Variants in TRAPPC10 observed in about 807,000 individuals in gnomAD.
TRAPPC10 encodes trafficking protein particle complex subunit 10.
TRAPPC10 carries 23 observed loss-of-function variants against 125.5 expected under a neutral mutation model. That is an observed-to-expected ratio of 0.18 (90% CI 0.13 to 0.26). The LOEUF (loss-of-function observed/expected upper bound fraction) is 0.26. Ranked by LOEUF, TRAPPC10 falls within the 10% of genes least tolerant of loss-of-function variation. The pLI is 1.00. For synonymous variants in TRAPPC10, 509 were observed against 518.0 expected, an observed-to-expected ratio of 0.98 and a Z score of 0.24; for missense variants, 1,123 against 1,308.4, an observed-to-expected ratio of 0.86 and a Z score of 2.19.
intron 1 of TRAPPC10, among the ~76,000 whole-genome samples, chr21:44,029,946 G>C (rs2033425984): frequency 6.6e-6 from 1 of 152,230 alleles, no homozygotes; most frequent in South Asian, 2.1e-4. Context: ...AGGTCAGATG[G>C]TCCCAGGTCA....
At chr21:44,091,642 G>A (rs916403538) in intron 18 of TRAPPC10, 1 of 275,348 alleles carries the variant, frequency 3.6e-6, no homozygotes, top group Non-Finnish European at 7.1e-6. Flanking sequence ...GTTTCACCAT[G>A]TTGGCCAGGA....
chr21:44,056,722 G>T (rs9983551), intron 5 of TRAPPC10, among the ~76,000 whole-genome samples: 13,711 of 152,200 alleles, frequency 0.09, 1,455 homozygotes, highest in African/African-American at 0.25. Flanking sequence ...CTGACAGACT[G>T]CAGGGGCTGA....
chr21:44,081,167 C>T (rs915805476), intron 13 of TRAPPC10, among the ~76,000 whole-genome samples: 1 of 151,194 alleles, frequency 6.6e-6, no homozygotes, highest in Non-Finnish European at 1.5e-5. Flanking sequence ...AGGTGTGGGC[C>T]ACCACACCCA....
intron 5 of TRAPPC10, among the ~76,000 whole-genome samples, chr21:44,057,692 A>G (rs142317251): frequency 6.6e-4 from 101 of 152,374 alleles, no homozygotes; most frequent in African/African-American, 2.4e-3. Flanking sequence ...AGTCTTGTAA[A>G]TACTTCACAA....
intron 5 of TRAPPC10, among the ~76,000 whole-genome samples, chr21:44,058,850 G>T (rs1425323783): frequency 1.3e-5 from 2 of 152,186 alleles, no homozygotes; most frequent in Non-Finnish European, 2.9e-5. Context: ...CCCAAGGACA[G>T]GGGGGTGACC....
rs1254702090 is a variant in TRAPPC10 at position 44,063,003 on chromosome 21, C to A, written c.791-535C>A. 7.7e-7 allele frequency: 1 copy of A among 1,303,868 alleles called. No individual in the cohort carries two copies. The allele number at this position is 1,303,868 out of a possible 1,614,324, so 80.8% of individuals were successfully genotyped here. A position where few individuals can be genotyped will look rare whatever the true frequency, so the allele number is the denominator to read the frequency against. On this transcript the variant is annotated intron_variant, in intron 6 of 22. Transcript: ENST00000291574. The surrounding 1 kb of genome is among the most constrained non-coding windows in gnomAD (Gnocchi z 4.4). ...CTGAAATTTTCGACAAGCAGTAATTCTTTTTCCTTCTATGTGCTGCTACCA... is the reference window on the plus strand; with the variant it reads ...CTGAAATTTTCGACAAGCAGTAATTATTTTTCCTTCTATGTGCTGCTACCA...
In TRAPPC10 at chr21:44,037,829, T is replaced by C; in HGVS notation, c.187T>C (p.Ser63Pro). The part of the protein sequence containing the change: ...GRAPKMIHLE[S>P]NFVQFKEELL... Reference sequence around the variant, plus strand: ...GGCTCCGAAGATGATTCACCTAGAGTCTAACTTTGTTCAATTCAAAGAGGA... The same window carrying C: ...GGCTCCGAAGATGATTCACCTAGAGCCTAACTTTGTTCAATTCAAAGAGGA... The change falls in exon 3 of 23, where the codon TCT (serine) becomes CCT (proline). Residue 63 changes from serine to proline, a missense_variant. Physicochemically the swap from Ser to Pro is moderately conservative, Grantham distance 74. Coordinates refer to ENST00000291574, the MANE Select transcript of TRAPPC10 (RefSeq NM_003274.5). The C allele has an allele frequency of 6.2e-7, 1 of 1,614,106 alleles. No individual in the cohort carries two copies. Among genetic ancestry groups the C allele is most frequent in the Non-Finnish European group, 8.5e-7 (1 of 1,180,020 alleles).
At chr21:44,052,816 C>T (rs1359953794) in intron 4 of TRAPPC10, among the ~76,000 whole-genome samples, 6 of 151,654 alleles carry the variant, frequency 4.0e-5, no homozygotes, top group African/African-American at 7.3e-5. Flanking sequence ...TTTGAAATGA[C>T]GGCACCTGTG....
chr21:44,063,158 C>G lies in TRAPPC10; in HGVS notation c.791-380C>G. The G allele has an allele frequency of 7.7e-7, 1 of 1,303,442 alleles. No homozygotes were observed. Among genetic ancestry groups the G allele is most frequent in the Non-Finnish European group, 1.0e-6 (1 of 992,272 alleles). 80.7% of individuals were successfully genotyped at this position (1,303,442 alleles called of 1,614,324 possible). On this transcript the variant is annotated intron_variant, in intron 6 of 22. Coordinates refer to ENST00000291574, the MANE Select transcript of TRAPPC10 (RefSeq NM_003274.5). The surrounding 1 kb of genome is among the most constrained non-coding windows in gnomAD (Gnocchi z 4.4). ...CAGGATGGTCAGAGCAGGCTGCACT[C>G]CAGCCCACAGGTAAAGATAAGGAAG...
chr21:44,024,539 G>T (rs1429485454), intron 1 of TRAPPC10, among the ~76,000 whole-genome samples: 3 of 152,192 alleles, frequency 2.0e-5, no homozygotes, highest in African/African-American at 7.2e-5. Flanking sequence ...CACAGGTCTA[G>T]AACTGTTTTT....
intron 15 of TRAPPC10, 34 bp downstream of exon 15, chr21:44,084,297 C>T (rs777334345): frequency 1.2e-6 from 2 of 1,605,398 alleles, no homozygotes; most frequent in South Asian, 1.1e-5. Flanking sequence ...AGGAGGCGTG[C>T]TGCTGGGGCA....
At position 44,063,699 on chromosome 21, in the gene TRAPPC10, C is replaced by T; in HGVS notation, c.952C>T (p.Leu318=). The T allele has an allele frequency of 6.2e-7, 1 of 1,614,186 alleles. No homozygotes were observed. Among genetic ancestry groups the T allele is most frequent in the Middle Eastern group, 1.6e-4 (1 of 6,062 alleles). Residue 318 remains leucine, a synonymous_variant, in exon 7 of 23, where the codon CTG becomes TTG. Transcript: ENST00000291574. The surrounding 1 kb of genome is among the most constrained non-coding windows in gnomAD (Gnocchi z 4.4). ...CCTGTTCTCTCGCCAGTGCACCTTGCTGCTCTTCCTGCAGAGGCCGTGGGA... is the reference window on the plus strand; with the variant it reads ...CCTGTTCTCTCGCCAGTGCACCTTGTTGCTCTTCCTGCAGAGGCCGTGGGA... ...SYLFSRQCTL[L]LFLQRPWEVA... is the part of the protein sequence containing the mutation.
chr21:44,079,879 T>C, intron 12 of TRAPPC10, 136 bp from the exon 13 acceptor site: 1 of 1,078,064 alleles, frequency 9.3e-7, no homozygotes, highest in Non-Finnish European at 1.3e-6. Context: ...TAATCTAATT[T>C]TGAGCCCTAG....
chr21:44,082,848 C>G lies in TRAPPC10; in HGVS notation c.1784C>G (p.Pro595Arg), dbSNP rs376821457. The change falls in exon 14 of 23, where the codon CCC (proline) becomes CGC (arginine). Residue 595 changes from proline (P) to arginine (R), a missense_variant. This residue lies in a region of TRAPPC10 where 840 missense variants were observed against 902.0 expected (regional missense o/e 0.93). Coordinates refer to ENST00000291574, the MANE Select transcript of TRAPPC10 (RefSeq NM_003274.5). The surrounding 1 kb of genome is among the most constrained non-coding windows in gnomAD (Gnocchi z 4.4). Reference sequence around the variant, plus strand: ...CAACTGCGAGATCTCCATTTTGATCCCTCCAATGCCGTGGTCCACGTGGGC... The same window carrying G: ...CAACTGCGAGATCTCCATTTTGATCGCTCCAATGCCGTGGTCCACGTGGGC... Reference protein sequence around the residue: ...FAQLRDLHFDPSNAVVHVGGV... With the variant: ...FAQLRDLHFDRSNAVVHVGGV... The G allele has an allele frequency of 8.7e-6, 14 of 1,613,942 alleles. No homozygotes were observed. Among genetic ancestry groups the G allele is most frequent in the Non-Finnish European group, 1.0e-5 (12 of 1,180,026 alleles).
Position 44,074,859 on chromosome 21 carries a change from T to TC in TRAPPC10, c.1186-178dup, listed in dbSNP as rs555833201. 3.7e-4 allele frequency among the ~76,000 whole-genome samples: 57 copies of TC among 152,340 alleles called. No individual in the cohort carries two copies. The South Asian group carries it at 4.1e-3, about 11-fold the overall frequency. On this transcript the variant is annotated intron_variant, in intron 8 of 22. Transcript: ENST00000291574. ...GGACAGAAGCGGAGGATTCCCACCC[T>TC]CCAAGCCTCACTGGGAGCTGTTGTG...
chr21:44,014,575 TTTTG>T (rs2031586618), intron 1 of TRAPPC10, among the ~76,000 whole-genome samples: 1 of 146,682 alleles, frequency 6.8e-6, no homozygotes, highest in Non-Finnish European at 1.5e-5. Context: ...CCGGCTAATT[TTTTG>T]TTTGTTTGTT....
chr21:44,035,526 A>G (rs2033925939), intron 2 of TRAPPC10, among the ~76,000 whole-genome samples: 1 of 152,172 alleles, frequency 6.6e-6, no homozygotes, highest in South Asian at 2.1e-4. Flanking sequence ...ACAGTGGCTC[A>G]CACTTGTAAT....
At chr21:44,064,231 T>A (rs1832676347) in intron 7 of TRAPPC10, among the ~76,000 whole-genome samples, 1 of 152,198 alleles carries the variant, frequency 6.6e-6, no homozygotes, top group Non-Finnish European at 1.5e-5. Flanking sequence ...CAGGTAGCAA[T>A]GTGAGTGACA....
At chr21:44,072,610 C>T in intron 7 of TRAPPC10, among the ~76,000 whole-genome samples, 1 of 152,302 alleles carries the variant, frequency 6.6e-6, no homozygotes, top group South Asian at 2.1e-4. Flanking sequence ...ATTACAGGTG[C>T]ATGCCACCAC....
Sources: gnomAD v4.1 joint callset for allele counts (sites outside exome capture counted in the v4.1 genomes callset) on GRCh38, gnomAD v4.1.1 for gene constraint, gnomAD v4.1.1 regional missense constraint, Gnocchi (gnomAD v3.1) non-coding constraint, MANE v1.5 for transcripts, NCBI Gene and HGNC (gene_info 2026-07-23, HGNC 2026-07-21) for gene names.